The following CDH13 variants were observed in gnomAD, a reference collection of about 807,000 sequenced individuals.
CDH13 encodes the protein cadherin 13.
CDH13 carries 24 observed loss-of-function variants against 63.8 expected under a neutral mutation model. The ratio of observed to expected loss-of-function variants is 0.38; its 90% CI spans 0.27 to 0.53. The LOEUF is 0.53. Among genes scored for constraint, CDH13 ranks in the 20% least tolerant of loss-of-function variants. The probability of loss-of-function intolerance (pLI) is 0.85; values close to 1 mark genes in which losing one functional copy is unlikely to be tolerated. For synonymous variants in CDH13, 503 were observed against 355.3 expected (o/e 1.42, Z -4.67); for missense variants, 1,049 against 903.1 (o/e 1.16, Z -2.07).
Position 83,020,026 on chromosome 16 carries a change from C to G in CDH13, c.158-11984C>G, listed in dbSNP as rs542731859. 3.9e-5 allele frequency among the ~76,000 whole-genome samples: 6 copies of G among 152,228 alleles called. No homozygotes were observed. The East Asian group carries it at 7.7e-4, about 20-fold the overall frequency. On this transcript the variant is annotated intron_variant, in intron 2 of 13. Coordinates refer to ENST00000567109, the MANE Select transcript of CDH13 (RefSeq NM_001257.5). Reference sequence around the variant, plus strand: ...AAACACATGAGTAATGCATTGCACTCTGACGTTATGACAGCTACCTCACTA... The same window carrying G: ...AAACACATGAGTAATGCATTGCACTGTGACGTTATGACAGCTACCTCACTA...
intron 2 of CDH13, among the ~76,000 whole-genome samples, chr16:82,887,274 A>T (rs892618252): frequency 5.9e-5 from 9 of 152,336 alleles, no homozygotes; most frequent in African/African-American, 1.4e-4. Context: ...AAAAGTAGTA[A>T]GAGTCTAATT....
chr16:82,691,957 A>T (rs543837231), intron 1 of CDH13, among the ~76,000 whole-genome samples: 1 of 152,318 alleles, frequency 6.6e-6, no homozygotes, highest in Admixed American at 6.5e-5. Context: ...AGATTCTGAT[A>T]TATGCTGACA....
intron 1 of CDH13, among the ~76,000 whole-genome samples, chr16:82,666,228 C>A (rs1348207802): frequency 6.6e-6 from 1 of 152,186 alleles, no homozygotes; most frequent in Non-Finnish European, 1.5e-5. Flanking sequence ...TTTCCAAGCT[C>A]CTGCAATCAA....
intron 5 of CDH13, among the ~76,000 whole-genome samples, chr16:83,305,449 C>T (rs1416605584): frequency 6.6e-6 from 1 of 152,194 alleles, no homozygotes; most frequent in Admixed American, 6.5e-5. Context: ...CCAGTATGTC[C>T]TGAGGTTTCC....
In CDH13 at chr16:83,701,412, G is replaced by A. The variant is rs553097234; in HGVS notation, c.1538+22951G>A. On this transcript the variant is annotated intron_variant, in intron 10 of 13. Coordinates refer to ENST00000567109, the MANE Select transcript of CDH13 (RefSeq NM_001257.5). ...TTTCATTCGGTCCACACGTATCCATGCGGTGCACTCTGTGTGCCAGTCATA... is the reference window on the plus strand; with the variant it reads ...TTTCATTCGGTCCACACGTATCCATACGGTGCACTCTGTGTGCCAGTCATA... Among the ~76,000 whole-genome samples, 3 of 152,250 alleles carry A rather than the reference G, an allele frequency of 2.0e-5. No homozygotes were observed. In the South Asian group the frequency reaches 6.2e-4, roughly 32 times the overall value.
intron 1 of CDH13, among the ~76,000 whole-genome samples, chr16:82,687,401 G>A (rs773382938): frequency 6.6e-6 from 1 of 152,152 alleles, no homozygotes; most frequent in Non-Finnish European, 1.5e-5. Context: ...TGCTAATAAA[G>A]ACATACCTGA....
chr16:82,802,271 GTGCTCACAGTATGTAGCGGGGACA>G (rs2036899989), intron 1 of CDH13, among the ~76,000 whole-genome samples: 1 of 152,090 alleles, frequency 6.6e-6, no homozygotes, highest in South Asian at 2.1e-4. Context: ...AGAATAGTGA[GTGCTCACAGTATGTAGCGGGGACA>G]ACAACAGTGT....
intron 2 of CDH13, among the ~76,000 whole-genome samples, chr16:82,944,496 G>A (rs1044263644): frequency 1.3e-5 from 2 of 152,166 alleles, no homozygotes; most frequent in African/African-American, 4.8e-5. Context: ...TGCTTCCCAG[G>A]GAACATTTGG....
At chr16:83,649,367 C>A (rs1201032398) in intron 8 of CDH13, among the ~76,000 whole-genome samples, 10 of 152,150 alleles carry the variant, frequency 6.6e-5, no homozygotes, top group African/African-American at 2.4e-4. Context: ...TTGCATTTTT[C>A]AATATATTTA....
intron 1 of CDH13, among the ~76,000 whole-genome samples, chr16:82,807,981 A>C (rs1049220471): frequency 6.6e-6 from 1 of 152,150 alleles, no homozygotes; most frequent in Admixed American, 6.6e-5. Flanking sequence ...GAGAGACAGA[A>C]TATTCCCCAA....
chr16:83,399,927 A>G (rs1184786200), intron 6 of CDH13, among the ~76,000 whole-genome samples: 4 of 152,200 alleles, frequency 2.6e-5, no homozygotes, highest in Non-Finnish European at 5.9e-5. Flanking sequence ...TATGTGATGT[A>G]AATAGGACAT....
intron 6 of CDH13, among the ~76,000 whole-genome samples, chr16:83,434,294 C>T (rs893701328): frequency 2.0e-5 from 3 of 152,174 alleles, no homozygotes; most frequent in Admixed American, 1.3e-4. Context: ...GACCTGCGTT[C>T]TTGTCCTACC....
At chr16:82,784,845 T>C (rs1444695915) in intron 1 of CDH13, among the ~76,000 whole-genome samples, 2 of 152,142 alleles carry the variant, frequency 1.3e-5, no homozygotes, top group Non-Finnish European at 2.9e-5. Flanking sequence ...GAAAAGTCCT[T>C]AGGCAGAAAA....
chr16:83,080,578 A>C (rs753830854), intron 3 of CDH13, among the ~76,000 whole-genome samples: 9 of 152,112 alleles, frequency 5.9e-5, no homozygotes, highest in Non-Finnish European at 1.0e-4. Context: ...TTTAAAGATG[A>C]GGACACTAAG....
At chr16:82,852,375 C>T (rs1416531257) in intron 1 of CDH13, among the ~76,000 whole-genome samples, 1 of 152,322 alleles carries the variant, frequency 6.6e-6, no homozygotes. Flanking sequence ...TCCCGAGTAA[C>T]TGTCTTCTGT....
chr16:83,188,195 T>A (rs537322454), intron 4 of CDH13, among the ~76,000 whole-genome samples: 3 of 152,270 alleles, frequency 2.0e-5, no homozygotes, highest in African/African-American at 7.2e-5. Flanking sequence ...ATGTCTTTAT[T>A]GAATGGCTCT....
intron 1 of CDH13, among the ~76,000 whole-genome samples, chr16:82,676,055 C>T (rs1287316158): frequency 2.0e-5 from 3 of 152,226 alleles, no homozygotes. Flanking sequence ...ATTAAGCCCC[C>T]AGTCTGTGCC....
intron 4 of CDH13, among the ~76,000 whole-genome samples, chr16:83,166,801 A>G (rs140061361): frequency 1.3e-5 from 2 of 152,320 alleles, no homozygotes; most frequent in East Asian, 3.9e-4. Context: ...TAGCTTTTAC[A>G]GAATGAGGTG....
chr16:82,754,327 A>C (rs1366340385), intron 1 of CDH13, among the ~76,000 whole-genome samples: 3 of 152,162 alleles, frequency 2.0e-5, no homozygotes, highest in Non-Finnish European at 4.4e-5. Flanking sequence ...TTGTTGAAAA[A>C]ATGAATAAAT....
Sources: gnomAD v4.1 joint callset for allele counts (sites outside exome capture counted in the v4.1 genomes callset) on GRCh38, gnomAD v4.1.1 for gene constraint, MANE v1.5 for transcripts, NCBI Gene and HGNC (gene_info 2026-07-23, HGNC 2026-07-21) for gene names.